The following RXFP1 variants were observed in gnomAD, a reference collection of about 807,000 sequenced individuals.
RXFP1 encodes relaxin family peptide receptor 1.
Under a neutral mutation model 89.8 loss-of-function variants are expected in RXFP1, and 73 were observed. The ratio of observed to expected loss-of-function variants is 0.81; its 90% CI spans 0.67 to 0.99. RXFP1 has a LOEUF of 0.99. Ranked by LOEUF, RXFP1 falls within the 50% of genes least tolerant of loss-of-function variation. The pLI, the probability that RXFP1 is intolerant of heterozygous loss-of-function variation, is 0.00. For missense variants in RXFP1, 793 were observed against 895.5 expected (o/e 0.89, Z 1.46); for synonymous variants, 277 against 305.5 (o/e 0.91, Z 0.97).
intron 12 of RXFP1, among the ~76,000 whole-genome samples, chr4:158,636,736 A>C (rs1392312884): frequency 6.6e-6 from 1 of 152,228 alleles, no homozygotes; most frequent in Non-Finnish European, 1.5e-5. Context: ...ATCATCTCAC[A>C]TACTTATTTT....
At chr4:158,608,767 A>G (rs1763013212) in intron 6 of RXFP1, among the ~76,000 whole-genome samples, 1 of 152,104 alleles carries the variant, frequency 6.6e-6, no homozygotes, top group Admixed American at 6.5e-5. Flanking sequence ...TTTGTTGAAT[A>G]ATAATTCCTC....
At chr4:158,576,705 A>C (rs1756288877) in intron 2 of RXFP1, among the ~76,000 whole-genome samples, 1 of 152,168 alleles carries the variant, frequency 6.6e-6, no homozygotes, top group South Asian at 2.1e-4. Context: ...TACAATTTTT[A>C]GCTCCTCTAG....
chr4:158,525,111 C>T (rs893332059), intron 1 of RXFP1, among the ~76,000 whole-genome samples: 3 of 151,542 alleles, frequency 2.0e-5, no homozygotes, highest in East Asian at 2.0e-4. Context: ...TTGGTTAGTA[C>T]GTGGAAAAAG....
chr4:158,550,663 A>G (rs749073158), intron 1 of RXFP1, among the ~76,000 whole-genome samples: 2 of 152,348 alleles, frequency 1.3e-5, no homozygotes, highest in South Asian at 2.1e-4. Context: ...GAACACTGCC[A>G]TGAGTCCAAA....
chr4:158,612,874 G>A (rs999940386), intron 8 of RXFP1, among the ~76,000 whole-genome samples: 1 of 152,128 alleles, frequency 6.6e-6, no homozygotes, highest in Non-Finnish European at 1.5e-5. Flanking sequence ...CTCCCAAAGT[G>A]CTGGGATTAA....
chr4:158,533,046 T>C (rs886118064), intron 1 of RXFP1, among the ~76,000 whole-genome samples: 2 of 152,206 alleles, frequency 1.3e-5, no homozygotes, highest in African/African-American at 4.8e-5. Flanking sequence ...GGAAAACTGC[T>C]TCGAGGGCAT....
At chr4:158,554,946 A>G (rs942038975) in intron 1 of RXFP1, among the ~76,000 whole-genome samples, 1 of 152,186 alleles carries the variant, frequency 6.6e-6, no homozygotes, top group African/African-American at 2.4e-5. Context: ...TGTAAAGCTT[A>G]AATAAACACA....
rs777576270 is a variant in RXFP1, at chr4:158,651,868, G to C, written c.2087G>C (p.Trp696Ser). Residue 696 changes from tryptophan to serine, a missense_variant, in exon 18 of 18, where the codon TGG becomes TCG. Transcript: ENST00000307765. ...TTTAAAGAAATGATTCATCGGTTTT[G>C]GTATAACTACAGACAAAGAAAATCT... is the stretch of plus-strand genomic sequence containing the variant. ...RPFKEMIHRF[W>S]YNYRQRKSMD... 6.2e-7 allele frequency: 1 copy of C among 1,613,996 alleles called. No individual in the cohort carries two copies. The highest frequency in any genetic ancestry group is 2.2e-5 in the East Asian group (1 of 44,878).
chr4:158,590,281 C>T (rs1759169737), intron 2 of RXFP1, among the ~76,000 whole-genome samples: 1 of 152,138 alleles, frequency 6.6e-6, no homozygotes, highest in African/African-American at 2.4e-5. Flanking sequence ...TCTCACGCCT[C>T]AGCCTCCCGA....
intron 17 of RXFP1, among the ~76,000 whole-genome samples, chr4:158,650,432 AATAT>A (rs149845150): frequency 6.9e-6 from 1 of 145,480 alleles, no homozygotes; most frequent in Middle Eastern, 3.6e-3. Context: ...AATATATATA[AATAT>A]ATATATATAT....
chr4:158,590,060 A>AT (rs1237350267), intron 2 of RXFP1, among the ~76,000 whole-genome samples: 19 of 151,610 alleles, frequency 1.3e-4, no homozygotes, highest in Admixed American at 1.2e-3. Flanking sequence ...TCAAAAAAAA[A>AT]TTTTTTTAAT....
intron 13 of RXFP1, 117 bp from the exon 14 acceptor site, chr4:158,639,143 G>T: frequency 1.7e-6 from 1 of 597,090 alleles, no homozygotes. Flanking sequence ...TAATTATTTT[G>T]TTCAGAGTAA....
chr4:158,530,295 A>G (rs1743709570), intron 1 of RXFP1, among the ~76,000 whole-genome samples: 1 of 152,180 alleles, frequency 6.6e-6, no homozygotes, highest in Non-Finnish European at 1.5e-5. Context: ...GTTAATGAAA[A>G]TAACTCTTCT....
At chr4:158,604,401 T>A (rs1219148774) in intron 4 of RXFP1, among the ~76,000 whole-genome samples, 1 of 152,218 alleles carries the variant, frequency 6.6e-6, no homozygotes, top group Non-Finnish European at 1.5e-5. Context: ...TTGGTTTTTT[T>A]ATTGTTTCAT....
chr4:158,563,922 TAATA>T (rs1288059129), intron 1 of RXFP1, among the ~76,000 whole-genome samples: 2 of 147,780 alleles, frequency 1.4e-5, no homozygotes, highest in Non-Finnish European at 3.0e-5. Context: ...TAACATAACA[TAATA>T]TATAATGTAT....
chr4:158,583,365 C>G (rs1433053036), intron 2 of RXFP1, among the ~76,000 whole-genome samples: 1 of 152,210 alleles, frequency 6.6e-6, no homozygotes, highest in Non-Finnish European at 1.5e-5. Context: ...TTGATGGAGA[C>G]ATTAGCGGTT....
intron 1 of RXFP1, among the ~76,000 whole-genome samples, chr4:158,535,712 C>T (rs553288449): frequency 6.6e-6 from 1 of 152,344 alleles, no homozygotes; most frequent in South Asian, 2.1e-4. Context: ...ATAAAATACA[C>T]AAAATATGTG....
chr4:158,583,616 A>T (rs1311509798), intron 2 of RXFP1, among the ~76,000 whole-genome samples: 1 of 152,210 alleles, frequency 6.6e-6, no homozygotes, highest in Non-Finnish European at 1.5e-5. Flanking sequence ...CTGGTTTTCT[A>T]TTTATTATTC....
At chr4:158,542,537 ATTTGCATCAAT>A (rs1747066256) in intron 1 of RXFP1, among the ~76,000 whole-genome samples, 1 of 152,066 alleles carries the variant, frequency 6.6e-6, no homozygotes, top group Non-Finnish European at 1.5e-5. Flanking sequence ...GCCTCCTTAG[ATTTGCATCAAT>A]TTTTCTTTAA....
Sources: allele counts gnomAD v4.1 joint callset (sites outside exome capture counted in the v4.1 genomes callset), GRCh38; gene constraint gnomAD v4.1.1; transcripts MANE v1.5; gene names NCBI Gene and HGNC (gene_info 2026-07-23, HGNC 2026-07-21).